The following SCD5 variants were observed in gnomAD, a reference collection of about 807,000 sequenced individuals.
The protein encoded by SCD5 is acyl-CoA-desaturase 4.
In SCD5, 20 loss-of-function variants were observed where a neutral mutation model predicts 30.4. The observed-to-expected ratio is 0.66, with a 90% CI of 0.46 to 0.96. SCD5 has a LOEUF of 0.96. Ranked by LOEUF, SCD5 falls within the 40% of genes least tolerant of loss-of-function variation. The probability of loss-of-function intolerance (pLI) is 0.00; values close to 1 mark genes in which losing one functional copy is unlikely to be tolerated. For missense variants in SCD5, 381 were observed against 443.3 expected, an observed-to-expected ratio of 0.86 and a Z score of 1.26; for synonymous variants, 173 against 176.4, an observed-to-expected ratio of 0.98 and a Z score of 0.16.
chr4:82,720,868 C>T (rs1276497536), intron 1 of SCD5, among the ~76,000 whole-genome samples: 1 of 152,090 alleles, frequency 6.6e-6, no homozygotes, highest in Non-Finnish European at 1.5e-5. Context: ...AAGGGCTGTC[C>T]GGGCCAGGCA....
chr4:82,660,251 TAGAC>T (rs1288224363), intron 3 of SCD5: 1 of 161,182 alleles, frequency 6.2e-6, no homozygotes, highest in Non-Finnish European at 1.3e-5. Context: ...CTGTCAATAT[TAGAC>T]AGATCAACAA....
chr4:82,660,894 C>G, intron 3 of SCD5: 1 of 1,614,020 alleles, frequency 6.2e-7, no homozygotes, highest in Non-Finnish European at 8.5e-7. Context: ...CCTCCAGGGA[C>G]ACAGAAAGAG....
At chr4:82,758,852 C>T in intron 1 of SCD5, among the ~76,000 whole-genome samples, 1 of 152,210 alleles carries the variant, frequency 6.6e-6, no homozygotes, top group Middle Eastern at 3.2e-3. Context: ...CAAAGGGTCA[C>T]TCATGCCTGG....
chr4:82,742,827 A>G (rs1394930670), intron 1 of SCD5, among the ~76,000 whole-genome samples: 1 of 152,174 alleles, frequency 6.6e-6, no homozygotes, highest in Non-Finnish European at 1.5e-5. Context: ...GAGCTCACCA[A>G]TGATGCGGGT....
chr4:82,718,259 C>T (rs1720274898), intron 1 of SCD5, among the ~76,000 whole-genome samples: 1 of 151,694 alleles, frequency 6.6e-6, no homozygotes, highest in African/African-American at 2.4e-5. Context: ...TCTTTGGGAA[C>T]ATTCTATGGA....
chr4:82,798,666 C>T lies in SCD5; in HGVS notation c.-129G>A. On this transcript the variant is annotated 5_prime_UTR_variant, in exon 1 of 5. Coordinates refer to ENST00000319540, the MANE Select transcript of SCD5 (RefSeq NM_001037582.3). ...TCTCCGCACGTCCAGTCCCCTCCTT[C>T]CAGCCCTTCTCCCGGGCTCCTGCGC... 1 of 775,432 alleles carries T rather than the reference C, an allele frequency of 1.3e-6. No homozygotes were observed. The highest frequency in any genetic ancestry group is 2.0e-6 in the Non-Finnish European group (1 of 500,700). 48.0% of individuals were successfully genotyped at this position (775,432 alleles called of 1,614,324 possible).
intron 1 of SCD5, among the ~76,000 whole-genome samples, chr4:82,724,465 TAAATA>T (rs1166390971): frequency 6.6e-6 from 1 of 152,028 alleles, no homozygotes; most frequent in African/African-American, 2.4e-5. Context: ...AAAAAATAAA[TAAATA>T]AAACAGACCT....
Position 82,798,790 on chromosome 4 carries a change from C to T in SCD5, c.-253G>A. On this transcript the variant is annotated 5_prime_UTR_variant, in exon 1 of 5. Coordinates refer to ENST00000319540, the MANE Select transcript of SCD5 (RefSeq NM_001037582.3). ...ATATGGCTGCCCGGGCTGAACTCGGCCGCGAGAAAGAGGAGGCGCGCGCGG... is the reference window on the plus strand; with the variant it reads ...ATATGGCTGCCCGGGCTGAACTCGGTCGCGAGAAAGAGGAGGCGCGCGCGG... The T allele has an allele frequency of 2.3e-6, 1 of 437,886 alleles. No homozygotes were observed. The highest frequency in any genetic ancestry group is 4.0e-6 in the Non-Finnish European group (1 of 249,810). 27.1% of individuals were successfully genotyped at this position (437,886 alleles called of 1,614,324 possible). A position where few individuals can be genotyped will look rare whatever the true frequency, so the allele number is the denominator to read the frequency against.
intron 1 of SCD5, among the ~76,000 whole-genome samples, chr4:82,739,879 G>A (rs1323456263): frequency 6.6e-6 from 1 of 152,186 alleles, no homozygotes; most frequent in Non-Finnish European, 1.5e-5. Flanking sequence ...GACTTGATGT[G>A]TTTAAAATCT....
chr4:82,705,515 C>A, intron 1 of SCD5, 102 bp from the exon 2 acceptor site: 1 of 1,471,002 alleles, frequency 6.8e-7, no homozygotes, highest in South Asian at 1.3e-5. Flanking sequence ...GAAATGGTGT[C>A]AGGGGGGAAA....
At chr4:82,697,022 C>T (rs1719710704) in intron 2 of SCD5, among the ~76,000 whole-genome samples, 1 of 152,202 alleles carries the variant, frequency 6.6e-6, no homozygotes, top group Non-Finnish European at 1.5e-5. Context: ...CCTGTGATCC[C>T]AGCTCTAACC....
chr4:82,663,039 T>C (rs530139520), intron 3 of SCD5, among the ~76,000 whole-genome samples: 4 of 152,242 alleles, frequency 2.6e-5, no homozygotes, highest in African/African-American at 9.6e-5. Context: ...TGCTTAGATG[T>C]AGAAAGTCAC....
At chr4:82,776,676 A>C (rs1721750606) in intron 1 of SCD5, among the ~76,000 whole-genome samples, 1 of 152,242 alleles carries the variant, frequency 6.6e-6, no homozygotes, top group Non-Finnish European at 1.5e-5. Flanking sequence ...GAAATGTCCA[A>C]GACACCAGAG....
chr4:82,786,672 G>A (rs1721994203), intron 1 of SCD5, among the ~76,000 whole-genome samples: 1 of 151,646 alleles, frequency 6.6e-6, no homozygotes, highest in Admixed American at 6.6e-5. Context: ...CATGTCTGTA[G>A]TCCCAGTTAC....
At chr4:82,784,042 A>T (rs906934995) in intron 1 of SCD5, among the ~76,000 whole-genome samples, 1 of 152,160 alleles carries the variant, frequency 6.6e-6, no homozygotes, top group Non-Finnish European at 1.5e-5. Context: ...ACATACACAG[A>T]GGAAATGATA....
intron 1 of SCD5, among the ~76,000 whole-genome samples, chr4:82,730,115 G>A (rs1720595348): frequency 6.6e-6 from 1 of 151,458 alleles, no homozygotes; most frequent in Non-Finnish European, 1.5e-5. Flanking sequence ...TGTTTCTCTT[G>A]CTAATCTGTC....
intron 3 of SCD5, among the ~76,000 whole-genome samples, chr4:82,651,437 G>A (rs1727748232): frequency 6.6e-6 from 1 of 152,070 alleles, no homozygotes; most frequent in Admixed American, 6.6e-5. Context: ...GCATAAGAGT[G>A]ATACACTGGA....
intron 4 of SCD5, 26 bp downstream of exon 4, chr4:82,636,565 C>T: frequency 1.3e-6 from 2 of 1,576,944 alleles, no homozygotes; most frequent in Admixed American, 3.4e-5. Flanking sequence ...CCATTCTCCC[C>T]ATTGGCCCTC....
chr4:82,674,745 A>G (rs1051556940), intron 3 of SCD5, among the ~76,000 whole-genome samples: 1 of 152,210 alleles, frequency 6.6e-6, no homozygotes, highest in African/African-American at 2.4e-5. Context: ...TGAATGGATA[A>G]ATAAACTTCA....
Sources: gnomAD v4.1 joint callset for allele counts (sites outside exome capture counted in the v4.1 genomes callset) on GRCh38, gnomAD v4.1.1 for gene constraint, MANE v1.5 for transcripts, NCBI Gene and HGNC (gene_info 2026-07-23, HGNC 2026-07-21) for gene names.